Variants in SMG6 observed in about 807,000 individuals in gnomAD.
SMG6 encodes the protein SMG6 nonsense mediated mRNA decay factor, also known as telomerase-binding protein EST1A.
SMG6 carries 66 observed loss-of-function variants against 142.2 expected under a neutral mutation model. That is an observed-to-expected ratio of 0.46 (90% CI 0.38 to 0.57). SMG6 has a LOEUF of 0.57. SMG6 is among the 20% of genes least tolerant of loss of function. SMG6 has a pLI of 0.00. For synonymous variants in SMG6, 779 were observed against 702.4 expected, an observed-to-expected ratio of 1.11 and a Z score of -1.72; for missense variants, 1,793 against 1,832.0, an observed-to-expected ratio of 0.98 and a Z score of 0.39.
intron 13 of SMG6, among the ~76,000 whole-genome samples, chr17:2,116,196 G>A (rs866130950): frequency 6.6e-6 from 1 of 151,962 alleles, no homozygotes; most frequent in South Asian, 2.1e-4. Flanking sequence ...TCAGCCTCTT[G>A]AGTAGTTGGT....
intron 13 of SMG6, among the ~76,000 whole-genome samples, chr17:2,090,993 T>C (rs1055304019): frequency 5.9e-5 from 9 of 152,172 alleles, no homozygotes; most frequent in Non-Finnish European, 1.3e-4. Context: ...TGAGGTCAAT[T>C]AGCAATGGGT....
rs1597769315 is a variant in SMG6, at chr17:2,277,399, C to T, written c.2661+5248G>A. ...GCCAGGATGGTCTCGATCTCCTGAC[C>T]TCGTGATCCGCCCGCGTTGGCCTCC... is the stretch of plus-strand genomic sequence containing the variant. On this transcript the variant is annotated intron_variant, in intron 8 of 18. Transcript: ENST00000263073. 3.3e-5 allele frequency among the ~76,000 whole-genome samples: 5 copies of T among 152,114 alleles called. No homozygotes were observed. The South Asian group carries it at 1.0e-3, about 32-fold the overall frequency.
intron 10 of SMG6, among the ~76,000 whole-genome samples, chr17:2,191,353 G>C (rs2072156472): frequency 6.6e-6 from 1 of 152,132 alleles, no homozygotes; most frequent in African/African-American, 2.4e-5. Flanking sequence ...CCCACTTTGG[G>C]GCTAGATCTA....
intron 15 of SMG6, among the ~76,000 whole-genome samples, chr17:2,078,344 A>G (rs1162248947): frequency 6.6e-6 from 1 of 152,058 alleles, no homozygotes; most frequent in Admixed American, 6.5e-5. Flanking sequence ...GGAATTTAAG[A>G]TGATGCTCTA....
At chr17:2,256,438 C>T (rs1029203282) in intron 8 of SMG6, among the ~76,000 whole-genome samples, 5 of 151,850 alleles carry the variant, frequency 3.3e-5, no homozygotes, top group Non-Finnish European at 7.4e-5. Flanking sequence ...TACAGACTAG[C>T]GGTGGTGCAG....
At chr17:2,228,094 C>T (rs926553223) in intron 10 of SMG6, among the ~76,000 whole-genome samples, 1 of 152,178 alleles carries the variant, frequency 6.6e-6, no homozygotes, top group Non-Finnish European at 1.5e-5. Context: ...GACAAACTCT[C>T]GCTCTGTCAC....
Position 2,299,994 on chromosome 17 carries a change from G to GCGATTCCTT in SMG6, c.750_758dup (p.Arg251_Arg253dup), listed in dbSNP as rs1272371450. On this transcript the variant is annotated inframe_insertion, in exon 2 of 19. Coordinates refer to ENST00000263073, the MANE Select transcript of SMG6 (RefSeq NM_017575.5). The surrounding 1 kb of genome is among the most constrained non-coding windows in gnomAD (Gnocchi z 4.3). Reference sequence around the variant, plus strand: ...CTGAGCTGGTGCTGCGCGTGCGGTAGCGATTCCTTCGTTTGTCTGAGCGGG... The same window carrying GCGATTCCTT: ...CTGAGCTGGTGCTGCGCGTGCGGTAGCGATTCCTTCGATTCCTTCGTTTGTCTGAGCGGG... 1 of 1,614,136 alleles carries GCGATTCCTT rather than the reference G, an allele frequency of 6.2e-7. No homozygotes were observed. The highest frequency in any genetic ancestry group is 2.2e-5 in the East Asian group (1 of 44,886).
rs139888285 is a variant in SMG6 at position 2,300,492 on chromosome 17, A to G, written c.261T>C (p.Val87=). The change falls in exon 2 of 19, where the codon GTT becomes GTC. Residue 87 remains valine (V), a synonymous_variant. Coordinates refer to ENST00000263073, the MANE Select transcript of SMG6 (RefSeq NM_017575.5). Reference sequence around the variant, plus strand: ...CTTTAACGGGCTGTGTACCATTTTCAACAGCAGAGCAATCTCGGTCATTAA... The same window carrying G: ...CTTTAACGGGCTGTGTACCATTTTCGACAGCAGAGCAATCTCGGTCATTAA... The part of the protein sequence containing the change: ...EIVNDRDCSA[V]ENGTQPVKDV... 3.9e-5 allele frequency: 63 copies of G among 1,613,992 alleles called. No homozygotes were observed. In the African/African-American group the frequency reaches 8.1e-4, roughly 21 times the overall value.
chr17:2,288,149 A>C (rs548018595), intron 6 of SMG6, among the ~76,000 whole-genome samples: 11 of 152,224 alleles, frequency 7.2e-5, no homozygotes, highest in African/African-American at 2.4e-4. Flanking sequence ...CCCCATCTGC[A>C]TTAAAAATAC....
chr17:2,126,887 TACACACACAC>T (rs1450982147), intron 13 of SMG6, among the ~76,000 whole-genome samples: 1 of 143,256 alleles, frequency 7.0e-6, no homozygotes, highest in African/African-American at 2.7e-5. Flanking sequence ...ACCCTATTTC[TACACACACAC>T]GCACACACAT....
intron 16 of SMG6, chr17:2,065,942 C>G (rs1567567373): frequency 3.7e-6 from 2 of 535,384 alleles, no homozygotes; most frequent in Non-Finnish European, 6.7e-6. Flanking sequence ...TCTTCTGGAG[C>G]TGCTGTATTT....
intron 14 of SMG6, 149 bp from the exon 15 acceptor site, chr17:2,082,105 A>C: frequency 2.8e-6 from 2 of 719,160 alleles, no homozygotes; most frequent in Non-Finnish European, 2.3e-6. Flanking sequence ...GCTTCCCTCT[A>C]CTCAGGCAAA....
Position 2,300,503 on chromosome 17 carries a change from A to G in SMG6, c.250T>C (p.Cys84Arg), listed in dbSNP as rs1436944949. Residue 84 changes from cysteine (C) to arginine (R), a missense_variant, in exon 2 of 19, where the codon TGC becomes CGC. Transcript: ENST00000263073. ...TGTGTACCATTTTCAACAGCAGAGC[A>G]ATCTCGGTCATTAACAATTTCATCT... ...FKDEIVNDRD[C>R]SAVENGTQPV... is the part of the protein sequence containing the mutation. 2 of 1,614,062 alleles carry G rather than the reference A, an allele frequency of 1.2e-6. No individual in the cohort carries two copies. Among genetic ancestry groups the G allele is most frequent in the Admixed American group, 1.7e-5 (1 of 60,012 alleles).
In SMG6 at chr17:2,116,531, A is replaced by C. The variant is rs1329972349; in HGVS notation, c.3358-30630T>G. 2.6e-5 allele frequency among the ~76,000 whole-genome samples: 4 copies of C among 152,258 alleles called. No individual in the cohort carries two copies. In the East Asian group the frequency reaches 7.7e-4, roughly 29 times the overall value. On this transcript the variant is annotated intron_variant, in intron 13 of 18. Coordinates refer to ENST00000263073, the MANE Select transcript of SMG6 (RefSeq NM_017575.5). Reference sequence around the variant, plus strand: ...GGAGTTTGAGGTCAGGAGTTCCTTGAGGTCAGGAGTTTGAGACCAGCCTGG... The same window carrying C: ...GGAGTTTGAGGTCAGGAGTTCCTTGCGGTCAGGAGTTTGAGACCAGCCTGG...
intron 8 of SMG6, among the ~76,000 whole-genome samples, chr17:2,257,816 A>G (rs1444385421): frequency 1.3e-5 from 2 of 151,686 alleles, no homozygotes; most frequent in East Asian, 3.9e-4. Flanking sequence ...GCTCGAGACC[A>G]GCCTGACCAA....
intron 10 of SMG6, among the ~76,000 whole-genome samples, chr17:2,194,779 G>A (rs148213838): frequency 1.3e-4 from 20 of 152,184 alleles, no homozygotes; most frequent in African/African-American, 4.6e-4. Flanking sequence ...ACGTAGGGGT[G>A]AAGACTGCTG....
At chr17:2,120,817 A>AG (rs1373551247) in intron 13 of SMG6, among the ~76,000 whole-genome samples, 7 of 152,296 alleles carry the variant, frequency 4.6e-5, no homozygotes, top group African/African-American at 1.4e-4. Context: ...CCTACCAGAA[A>AG]GAGGATGTGA....
chr17:2,067,279 C>T (rs937970685), intron 16 of SMG6, among the ~76,000 whole-genome samples: 4 of 152,186 alleles, frequency 2.6e-5, no homozygotes, highest in African/African-American at 7.2e-5. Context: ...TGCCTTTCAC[C>T]GGATCAAGAA....
intron 8 of SMG6, chr17:2,280,648 A>AC: frequency 1.1e-6 from 1 of 929,808 alleles, no homozygotes; most frequent in Non-Finnish European, 1.3e-6. Flanking sequence ...ATTAAGGGTA[A>AC]TAGTTACCCA....
Sources: gnomAD v4.1 joint callset for allele counts (sites outside exome capture counted in the v4.1 genomes callset) on GRCh38, gnomAD v4.1.1 for gene constraint, Gnocchi (gnomAD v3.1) non-coding constraint, MANE v1.5 for transcripts, NCBI Gene and HGNC (gene_info 2026-07-23, HGNC 2026-07-21) for gene names.